The following LRRC71 variants were observed in gnomAD, a reference collection of about 807,000 sequenced individuals.
LRRC71 encodes leucine rich repeat containing 71, also known as leucine-rich repeat-containing protein 71.
Under a neutral mutation model 66.6 loss-of-function variants are expected in LRRC71, and 54 were observed. The ratio of observed to expected loss-of-function variants is 0.81; its 90% CI spans 0.65 to 1.02. The LOEUF is 1.02. Among genes scored for constraint, LRRC71 ranks in the 50% least tolerant of loss-of-function variants. The probability of loss-of-function intolerance (pLI) is 0.00; values close to 1 mark genes in which losing one functional copy is unlikely to be tolerated. For synonymous variants in LRRC71, 323 were observed against 303.9 expected, an observed-to-expected ratio of 1.06 and a Z score of -0.65; for missense variants, 724 against 718.0, an observed-to-expected ratio of 1.01 and a Z score of -0.10.
chr1:156,921,349 A>G (rs1290591299), intron 1 of LRRC71, among the ~76,000 whole-genome samples: 1 of 152,186 alleles, frequency 6.6e-6, no homozygotes, highest in Non-Finnish European at 1.5e-5. Flanking sequence ...TCCTGCCCCC[A>G]TGGGGTTTAC....
rs1000129944 is a variant in LRRC71, at chr1:156,923,944, C to T, written c.161-5C>T. Reference sequence around the variant, plus strand: ...CTTCTCTCACGCCCCTGCCTGCCCCCGCAGAGGAGTACCAGTGCTCCGGGG... The same window carrying T: ...CTTCTCTCACGCCCCTGCCTGCCCCTGCAGAGGAGTACCAGTGCTCCGGGG... On this transcript the variant is annotated splice_region_variant and splice_polypyrimidine_tract_variant and intron_variant, in intron 1 of 14. Transcript: ENST00000337428. The T allele has an allele frequency of 2.0e-6, 3 of 1,488,892 alleles. No homozygotes were observed. The highest frequency in any genetic ancestry group is 2.7e-6 in the Non-Finnish European group (3 of 1,114,652). The allele number at this position is 1,488,892 out of a possible 1,614,324, so 92.2% of individuals were successfully genotyped here.
chr1:156,925,034 C>A lies in LRRC71; in HGVS notation c.593+19C>A, dbSNP rs1455793540. On this transcript the variant is annotated intron_variant, in intron 5 of 14. Coordinates refer to ENST00000337428, the MANE Select transcript of LRRC71 (RefSeq NM_144702.3). ...CGCTCAGGTCAGCAGACTGGGAGGCCCCCTGTGCCTGGGAAGCCTGGCTGG... is the reference window on the plus strand; with the variant it reads ...CGCTCAGGTCAGCAGACTGGGAGGCACCCTGTGCCTGGGAAGCCTGGCTGG... 7 of 1,551,086 alleles carry A rather than the reference C, an allele frequency of 4.5e-6. No homozygotes were observed. The highest frequency in any genetic ancestry group is 3.9e-5 in the Admixed American group (2 of 50,998).
downstream of LRRC71, chr1:156,936,212 G>A (rs1655076697): frequency 3.6e-6 from 3 of 842,588 alleles, no homozygotes; most frequent in South Asian, 2.7e-5. Flanking sequence ...GAAAAGGGCT[G>A]TCTACTGAAC....
chr1:156,930,451 G>T, intron 11 of LRRC71, 78 bp from the exon 12 acceptor site: 1 of 1,325,916 alleles, frequency 7.5e-7, no homozygotes, highest in South Asian at 1.3e-5. Flanking sequence ...TTGCCTCACA[G>T]CCTGTTTTCT....
At chr1:156,939,790 G>A in the LRRC71 span, 6 of 1,613,826 alleles carry the variant, frequency 3.7e-6, no homozygotes, top group African/African-American at 6.7e-5. Context: ...CCAGGGGTGA[G>A]AGGTGACGCT....
chr1:156,920,688 C>T lies in LRRC71; in HGVS notation c.-116C>T. The T allele has an allele frequency of 7.9e-7, 1 of 1,260,416 alleles. No individual in the cohort carries two copies. Among genetic ancestry groups the T allele is most frequent in the Non-Finnish European group, 1.0e-6 (1 of 976,040 alleles). 78.1% of individuals were successfully genotyped at this position (1,260,416 alleles called of 1,614,324 possible). A position where few individuals can be genotyped will look rare whatever the true frequency, so the allele number is the denominator to read the frequency against. The stretch of plus-strand genomic sequence containing the variant: ...CACCGCGGACGGGTCGGATCCGGTC[C>T]CTGGACGCGGAACAGAGATCCCCTG... On this transcript the variant is annotated 5_prime_UTR_variant, in exon 1 of 15. Transcript: ENST00000337428. The surrounding 1 kb of genome is among the most constrained non-coding windows in gnomAD (Gnocchi z 4.9).
chr1:156,940,340 T>C, the LRRC71 span: 1 of 1,613,898 alleles, frequency 6.2e-7, no homozygotes, highest in South Asian at 1.1e-5. Flanking sequence ...GGACACCCAG[T>C]TCCTCTTCCT....
At chr1:156,929,875 G>A (rs763802297) in intron 11 of LRRC71, 146 bp downstream of exon 11, 339 of 664,582 alleles carry the variant, frequency 5.1e-4, no homozygotes, top group Non-Finnish European at 8.3e-4. Flanking sequence ...CCTTCTCACA[G>A]TGGGATGATG....
At chr1:156,928,563 CTTTT>C (rs58180096) in intron 9 of LRRC71, among the ~76,000 whole-genome samples, 2,299 of 80,126 alleles carry the variant, frequency 0.029, 55 homozygotes, top group African/African-American at 0.082. Context: ...CTTCTTCTTA[CTTTT>C]TTTTTTTTTT....
At chr1:156,939,250 T>C in the LRRC71 span, 1 of 392,376 alleles carries the variant, frequency 2.5e-6, no homozygotes. Context: ...TACTGGTAGT[T>C]GGTTTGTGCC....
chr1:156,927,846 C>T (rs768863998), intron 8 of LRRC71, 30 bp downstream of exon 8: 3 of 1,612,164 alleles, frequency 1.9e-6, no homozygotes, highest in Non-Finnish European at 2.5e-6. Flanking sequence ...GGGGCAGGGG[C>T]GTGGGCGGGC....
rs1031661816 is a variant in LRRC71, at chr1:156,930,546, C to T, written c.1258C>T (p.Gln420Ter). 8 of 1,565,638 alleles carry T rather than the reference C, an allele frequency of 5.1e-6. No individual in the cohort carries two copies. Among genetic ancestry groups the T allele is most frequent in the Non-Finnish European group, 6.9e-6 (8 of 1,155,044 alleles). Reference protein sequence around the residue: ...AGKGKVTIPEQKPSRAKGIKI... With the variant: ...AGKGKVTIPE ...GGCCCCAGAGGTAACCATCCCTGAA[C>T]AGAAGCCAAGCAGGGCAAAAGGGAT... Residue 420 changes from glutamine (Q) to a stop codon, truncating the protein, a stop_gained, in exon 12 of 15, where the codon CAG becomes TAG. Coordinates refer to ENST00000337428, the MANE Select transcript of LRRC71 (RefSeq NM_144702.3). LOFTEE classifies it high-confidence loss of function.
chr1:156,936,262 G>T (rs776166581), downstream of LRRC71: 2 of 754,174 alleles, frequency 2.7e-6, no homozygotes, highest in African/African-American at 1.7e-5. Flanking sequence ...GGTCAGGTAG[G>T]TATGTGCCTT....
intron 12 of LRRC71, among the ~76,000 whole-genome samples, chr1:156,930,987 G>T (rs939595850): frequency 2.0e-5 from 3 of 152,222 alleles, no homozygotes; most frequent in Non-Finnish European, 4.4e-5. Context: ...TAGGAACAAT[G>T]CGTCTTCTTT....
chr1:156,932,976 C>T lies in LRRC71; in HGVS notation c.*7C>T, dbSNP rs752436837. Reference sequence around the variant, plus strand: ...CATGGCATTCTTCCCCTAGCCCCCTCCCACCTGCTTGCCTCTAAGACTCGG... The same window carrying T: ...CATGGCATTCTTCCCCTAGCCCCCTTCCACCTGCTTGCCTCTAAGACTCGG... On this transcript the variant is annotated 3_prime_UTR_variant, in exon 15 of 15. Coordinates refer to ENST00000337428, the MANE Select transcript of LRRC71 (RefSeq NM_144702.3). 6.4e-7 allele frequency: 1 copy of T among 1,553,380 alleles called. No homozygotes were observed. Among genetic ancestry groups the T allele is most frequent in the Non-Finnish European group, 8.7e-7 (1 of 1,147,060 alleles).
rs374031448 is a variant in LRRC71, at chr1:156,924,932, C to G, written c.516-6C>G. 3 of 1,551,666 alleles carry G rather than the reference C, an allele frequency of 1.9e-6. No homozygotes were observed. The highest frequency in any genetic ancestry group is 2.6e-6 in the Non-Finnish European group (3 of 1,146,982). ...TCTGTGTTTCTGCACTTCCCGCCCA[C>G]GACAGCTTGTGGAAGGTGGGGCTGA... On this transcript the variant is annotated splice_region_variant and splice_polypyrimidine_tract_variant and intron_variant, in intron 4 of 14. Transcript: ENST00000337428.
chr1:156,929,611 C>T, intron 10 of LRRC71, 25 bp from the exon 11 acceptor site: 1 of 1,566,634 alleles, frequency 6.4e-7, no homozygotes, highest in Non-Finnish European at 8.7e-7. Context: ...TGGGACTTGC[C>T]CCTCTCTTCT....
chr1:156,931,716 G>A (rs1452483976), intron 12 of LRRC71, among the ~76,000 whole-genome samples, 200 bp from the exon 13 acceptor site: 2 of 152,002 alleles, frequency 1.3e-5, no homozygotes, highest in Admixed American at 6.5e-5. Flanking sequence ...TCCAGACCAC[G>A]TTACTTTCAC....
At position 156,924,040 on chromosome 1, in the gene LRRC71, G is replaced by GGC; in HGVS notation, c.252_253insGC (p.Pro85AlafsTer20). On this transcript the variant is annotated frameshift_variant, in exon 2 of 15. Coordinates refer to ENST00000337428, the MANE Select transcript of LRRC71 (RefSeq NM_144702.3). LOFTEE classifies it high-confidence loss of function. Reference sequence around the variant, plus strand: ...CGGACTTCCCCAAAGTTGTCAACCGGCCCCGCCCCCACCCGCCCTTCGTCC... The same window carrying GGC: ...CGGACTTCCCCAAAGTTGTCAACCGGGCCCCCGCCCCCACCCGCCCTTCGTCC... 6.5e-7 allele frequency: 1 copy of GGC among 1,546,536 alleles called. No individual in the cohort carries two copies.
Sources: gnomAD v4.1 joint callset for allele counts (sites outside exome capture counted in the v4.1 genomes callset) on GRCh38, gnomAD v4.1.1 for gene constraint, Gnocchi (gnomAD v3.1) non-coding constraint, MANE v1.5 for transcripts, NCBI Gene and HGNC (gene_info 2026-07-23, HGNC 2026-07-21) for gene names.